STAB2: variants seen among roughly 807,000 people sequenced by gnomAD.
STAB2 encodes stabilin-2.
A neutral mutation model predicts 338.1 loss-of-function variants in STAB2; 288 were observed. The observed-to-expected ratio is 0.85, with a 90% CI of 0.77 to 0.94. STAB2 has a LOEUF of 0.94. Among genes scored for constraint, STAB2 ranks in the 40% least tolerant of loss-of-function variants. STAB2 has a pLI of 0.00. For missense variants in STAB2, 3,141 were observed against 3,210.1 expected, an observed-to-expected ratio of 0.98 and a Z score of 0.52; for synonymous variants, 1,202 against 1,193.3, an observed-to-expected ratio of 1.01 and a Z score of -0.15.
chr12:103,680,395 G>A (rs936439083), intron 25 of STAB2, among the ~76,000 whole-genome samples: 4 of 152,192 alleles, frequency 2.6e-5, no homozygotes, highest in Admixed American at 2.6e-4. Flanking sequence ...GGATCTAGCT[G>A]CTGGTACAAC....
Position 103,688,212 on chromosome 12 carries a change from A to C in STAB2, c.3042A>C (p.Ile1014=), listed in dbSNP as rs749309393. ...LSEAAIFNRW[I]NNASLQPTLS... ...AAGCAGCTATATTTAACCGATGGAT[A>C]AATGTGAGTACCTTTATTGGGACTT... The change falls in exon 28 of 69, where the codon ATA becomes ATC. Residue 1014 remains isoleucine (I), a synonymous_variant. Coordinates refer to ENST00000388887, the MANE Select transcript of STAB2 (RefSeq NM_017564.10). The C allele has an allele frequency of 6.2e-7, 1 of 1,613,542 alleles. No homozygotes were observed. Among genetic ancestry groups the C allele is most frequent in the Non-Finnish European group, 8.5e-7 (1 of 1,179,448 alleles).
intron 1 of STAB2, among the ~76,000 whole-genome samples, chr12:103,590,154 T>C (rs900646541): frequency 1.3e-5 from 2 of 152,190 alleles, no homozygotes; most frequent in Non-Finnish European, 2.9e-5. Flanking sequence ...GAGTGCCAAA[T>C]TGGGTCTGGA....
chr12:103,667,108 A>G (rs1253946877), intron 19 of STAB2, among the ~76,000 whole-genome samples: 1 of 152,246 alleles, frequency 6.6e-6, no homozygotes, highest in Non-Finnish European at 1.5e-5. Context: ...GAGAAGTGGC[A>G]TTAAACACTA....
intron 67 of STAB2, 32 bp downstream of exon 67, chr12:103,762,434 G>C (rs564871816): frequency 2.5e-6 from 4 of 1,613,966 alleles, no homozygotes; most frequent in Non-Finnish European, 3.4e-6. Flanking sequence ...ATGATGATGG[G>C]GTCCTCTCCA....
chr12:103,594,788 A>G (rs1956851619), intron 3 of STAB2, among the ~76,000 whole-genome samples: 1 of 152,220 alleles, frequency 6.6e-6, no homozygotes, highest in Non-Finnish European at 1.5e-5. Flanking sequence ...AGATATTTGC[A>G]AAAGAAAGGA....
At position 103,746,852 on chromosome 12, in the gene STAB2, A is replaced by G. The variant is rs185503500; in HGVS notation, c.6244+148A>G. ...CCCTCTCTATGACTCAGTTTCTTTA[A>G]TGGGTGTGCTCATGCTTGATCTGCT... On this transcript the variant is annotated intron_variant, in intron 58 of 68. Coordinates refer to ENST00000388887, the MANE Select transcript of STAB2 (RefSeq NM_017564.10). 1.9e-5 allele frequency: 14 copies of G among 727,900 alleles called. No homozygotes were observed. The East Asian group carries it at 3.7e-4, about 19-fold the overall frequency. The allele number at this position is 727,900 out of a possible 1,614,324, so 45.1% of individuals were successfully genotyped here.
intron 30 of STAB2, among the ~76,000 whole-genome samples, 167 bp downstream of exon 30, chr12:103,690,705 A>G (rs886670658): frequency 4.6e-5 from 7 of 152,276 alleles, no homozygotes; most frequent in Admixed American, 1.3e-4. Context: ...TCATATATCA[A>G]TACATACACA....
chr12:103,695,090 C>T (rs1325810356), intron 31 of STAB2, among the ~76,000 whole-genome samples: 1 of 152,148 alleles, frequency 6.6e-6, no homozygotes, highest in East Asian at 1.9e-4. Flanking sequence ...ATTCAGGCCA[C>T]TGGGTTGCAG....
At chr12:103,755,044 C>T (rs1883989722) in intron 61 of STAB2, 5 of 445,930 alleles carry the variant, frequency 1.1e-5, no homozygotes, top group Non-Finnish European at 2.0e-5. Context: ...CAAATTCTTT[C>T]TCAAGAGCAG....
intron 5 of STAB2, among the ~76,000 whole-genome samples, chr12:103,624,572 C>G (rs1193073746): frequency 1.3e-5 from 2 of 152,150 alleles, no homozygotes; most frequent in Non-Finnish European, 2.9e-5. Context: ...CCTAGCATCC[C>G]CTAATCATAG....
chr12:103,755,391 T>A lies in STAB2; in HGVS notation c.6804T>A (p.Gly2268=). The change falls in exon 62 of 69, where the codon GGT becomes GGA. Residue 2268 remains glycine (G), a synonymous_variant. Coordinates refer to ENST00000388887, the MANE Select transcript of STAB2 (RefSeq NM_017564.10). ...TAFASQNCGS[G]VVGIVDYGPR... is the part of the protein sequence containing the mutation. The stretch of plus-strand genomic sequence containing the variant: ...TCGCCTCCCAGAACTGTGGCTCTGG[T>A]GTGGTTGGGATAGTGGACTATGGAC... 3 of 1,614,088 alleles carry A rather than the reference T, an allele frequency of 1.9e-6. No individual in the cohort carries two copies. Among genetic ancestry groups the A allele is most frequent in the Non-Finnish European group, 2.5e-6 (3 of 1,180,014 alleles).
In STAB2 at chr12:103,728,740, G is replaced by T. The variant is rs1881405396; in HGVS notation, c.4936-109G>T. 3 of 1,386,434 alleles carry T rather than the reference G, an allele frequency of 2.2e-6. No homozygotes were observed. In the African/African-American group the frequency reaches 4.3e-5, roughly 20 times the overall value. The allele number at this position is 1,386,434 out of a possible 1,614,324, so 85.9% of individuals were successfully genotyped here. ...CCACAAAGCTTACTTCCCAGAGTCTGGGTGGGCCGAGAGGTGTGGAAGAGA... is the reference window on the plus strand; with the variant it reads ...CCACAAAGCTTACTTCCCAGAGTCTTGGTGGGCCGAGAGGTGTGGAAGAGA... On this transcript the variant is annotated intron_variant, in intron 47 of 68. Coordinates refer to ENST00000388887, the MANE Select transcript of STAB2 (RefSeq NM_017564.10).
chr12:103,759,335 A>G (rs1884373109), intron 65 of STAB2, 62 bp downstream of exon 65: 41 of 1,591,504 alleles, frequency 2.6e-5, no homozygotes, highest in Non-Finnish European at 3.1e-5. Flanking sequence ...TTCCTGGCAT[A>G]CAGTAGGTGC....
chr12:103,742,603 C>T, intron 56 of STAB2, 49 bp downstream of exon 56: 3 of 1,609,658 alleles, frequency 1.9e-6, no homozygotes, highest in South Asian at 1.1e-5. Context: ...TGACTGTGTG[C>T]TCCCTGTCCT....
intron 6 of STAB2, among the ~76,000 whole-genome samples, chr12:103,634,795 T>C: frequency 6.6e-6 from 1 of 152,252 alleles, no homozygotes; most frequent in East Asian, 1.9e-4. Flanking sequence ...GACTCTGTCA[T>C]TCTCTAGTAC....
intron 52 of STAB2, among the ~76,000 whole-genome samples, chr12:103,736,659 A>G (rs565552275): frequency 3.0e-4 from 46 of 152,154 alleles, no homozygotes; most frequent in African/African-American, 1.1e-3. Flanking sequence ...TAACAACCCT[A>G]TATTAGAAAT....
intron 58 of STAB2, among the ~76,000 whole-genome samples, chr12:103,748,576 ACT>A (rs1202914329): frequency 1.4e-5 from 2 of 145,642 alleles, no homozygotes; most frequent in Admixed American, 1.4e-4. Context: ...TATTGTACTA[ACT>A]CTACACCACA....
chr12:103,689,750 A>G (rs944982900), intron 28 of STAB2, 96 bp from the exon 29 acceptor site: 4 of 1,490,256 alleles, frequency 2.7e-6, no homozygotes, highest in South Asian at 2.7e-5. Context: ...CCCTTCCAGT[A>G]TCTTATGGGA....
intron 8 of STAB2, among the ~76,000 whole-genome samples, chr12:103,638,803 A>G (rs771650126): frequency 1.5e-4 from 23 of 152,174 alleles, no homozygotes; most frequent in Non-Finnish European, 3.1e-4. Context: ...TCGTCCATTG[A>G]GTATTTATTT....
Sources: gnomAD v4.1 joint callset for allele counts (sites outside exome capture counted in the v4.1 genomes callset) on GRCh38, gnomAD v4.1.1 for gene constraint, MANE v1.5 for transcripts, NCBI Gene and HGNC (gene_info 2026-07-23, HGNC 2026-07-21) for gene names.